Variants in HSD17B12 observed in about 807,000 individuals in gnomAD.
HSD17B12 encodes hydroxysteroid 17-beta dehydrogenase 12, also known as very-long-chain 3-oxoacyl-CoA reductase.
Under a neutral mutation model 39.3 loss-of-function variants are expected in HSD17B12, and 32 were observed. The ratio of observed to expected loss-of-function variants is 0.81; its 90% CI spans 0.61 to 1.09. HSD17B12 has a LOEUF of 1.09. HSD17B12 is among the 50% of genes least tolerant of loss of function. The pLI is 0.00. For missense variants in HSD17B12, 342 were observed against 382.9 expected (o/e 0.89, Z 0.89); for synonymous variants, 150 against 146.7 (o/e 1.02, Z -0.16).
chr11:43,667,324 G>C, the HSD17B12 span, among the ~76,000 whole-genome samples: 2 of 151,994 alleles, frequency 1.3e-5, no homozygotes, highest in Non-Finnish European at 2.9e-5. Context: ...GCTAATTTTT[G>C]TATTTTTAGT....
At chr11:43,642,900 T>A in the HSD17B12 span, among the ~76,000 whole-genome samples, 1 of 151,996 alleles carries the variant, frequency 6.6e-6, no homozygotes, top group African/African-American at 2.4e-5. Context: ...AAAAATGTAC[T>A]AATAAGCTAA....
chr11:43,565,052 A>C, the HSD17B12 span, among the ~76,000 whole-genome samples: 2 of 152,050 alleles, frequency 1.3e-5, no homozygotes, highest in African/African-American at 4.8e-5. Context: ...GGTGCCCACC[A>C]CCAAGCCTGG....
the HSD17B12 span, among the ~76,000 whole-genome samples, chr11:43,624,450 C>A: frequency 6.6e-6 from 1 of 151,858 alleles, no homozygotes; most frequent in Non-Finnish European, 1.5e-5. Context: ...AAAAGAGACT[C>A]ATTAAGCTAT....
At chr11:43,613,563 A>T in the HSD17B12 span, among the ~76,000 whole-genome samples, 1 of 152,084 alleles carries the variant, frequency 6.6e-6, no homozygotes, top group Non-Finnish European at 1.5e-5. Flanking sequence ...GAAAAGTGAT[A>T]ACTTTCTTAT....
the HSD17B12 span, among the ~76,000 whole-genome samples, chr11:43,580,983 A>T: frequency 6.6e-6 from 1 of 151,866 alleles, no homozygotes; most frequent in Non-Finnish European, 1.5e-5. Flanking sequence ...ACTCTGAGGG[A>T]TAAGAGGGGA....
chr11:43,807,288 A>T (rs1951028531), intron 4 of HSD17B12, among the ~76,000 whole-genome samples: 1 of 152,228 alleles, frequency 6.6e-6, no homozygotes, highest in South Asian at 2.1e-4. Context: ...GGTGTCACAG[A>T]TAGTATCCCT....
At chr11:43,637,217 CTTTTT>C in the HSD17B12 span, among the ~76,000 whole-genome samples, 3 of 109,474 alleles carry the variant, frequency 2.7e-5, no homozygotes, top group African/African-American at 9.6e-5. Context: ...GGTGTTTTTC[CTTTTT>C]TTTTTTTTTT....
At chr11:43,572,781 T>G in the HSD17B12 span, among the ~76,000 whole-genome samples, 1 of 152,206 alleles carries the variant, frequency 6.6e-6, no homozygotes, top group Non-Finnish European at 1.5e-5. Flanking sequence ...ACTATTGGTT[T>G]CTTCTCTCTC....
the HSD17B12 span, among the ~76,000 whole-genome samples, chr11:43,656,794 A>G: frequency 5.9e-5 from 9 of 152,072 alleles, no homozygotes; most frequent in Admixed American, 3.3e-4. Flanking sequence ...GTTCTTTTAC[A>G]TTTGCTGAGG....
intron 1 of HSD17B12, among the ~76,000 whole-genome samples, chr11:43,737,543 C>T (rs1309275421): frequency 6.6e-6 from 1 of 152,166 alleles, no homozygotes; most frequent in African/African-American, 2.4e-5. Context: ...TGTATGAAGA[C>T]ATAAGCCTTT....
At chr11:43,780,185 G>A (rs1172107239) in intron 3 of HSD17B12, among the ~76,000 whole-genome samples, 1 of 151,618 alleles carries the variant, frequency 6.6e-6, no homozygotes, top group Non-Finnish European at 1.5e-5. Flanking sequence ...TATTTTTTGA[G>A]ACAGAATTTC....
intron 1 of HSD17B12, among the ~76,000 whole-genome samples, chr11:43,726,059 A>G (rs1026687650): frequency 6.6e-6 from 1 of 152,238 alleles, no homozygotes; most frequent in Non-Finnish European, 1.5e-5. Context: ...AGTAATATGT[A>G]GTGCTTACAA....
chr11:43,778,235 A>G (rs1950729330), intron 3 of HSD17B12, among the ~76,000 whole-genome samples: 1 of 152,252 alleles, frequency 6.6e-6, no homozygotes, highest in South Asian at 2.1e-4. Flanking sequence ...GACAATCTAG[A>G]AGAAATGGAT....
At chr11:43,585,026 T>C in the HSD17B12 span, among the ~76,000 whole-genome samples, 2 of 152,200 alleles carry the variant, frequency 1.3e-5, no homozygotes, top group African/African-American at 4.8e-5. Flanking sequence ...CTCCACTTCC[T>C]GGACCATCTG....
chr11:43,686,212 A>G (rs888641613), intron 1 of HSD17B12, among the ~76,000 whole-genome samples: 12 of 152,220 alleles, frequency 7.9e-5, no homozygotes, highest in African/African-American at 2.9e-4. Flanking sequence ...TGGCGAGCCA[A>G]TGTTGATCGC....
chr11:43,787,376 C>T (rs915252377), intron 3 of HSD17B12, among the ~76,000 whole-genome samples: 2 of 152,114 alleles, frequency 1.3e-5, no homozygotes, highest in African/African-American at 4.8e-5. Context: ...CTGTGTTGAA[C>T]AGAAAGATTA....
intron 3 of HSD17B12, among the ~76,000 whole-genome samples, chr11:43,774,846 G>A (rs1355180144): frequency 6.6e-6 from 1 of 152,122 alleles, no homozygotes; most frequent in Non-Finnish European, 1.5e-5. Context: ...CTTCCCTTAA[G>A]TTTAGGTGGG....
At chr11:43,571,089 T>C in the HSD17B12 span, among the ~76,000 whole-genome samples, 1 of 152,188 alleles carries the variant, frequency 6.6e-6, no homozygotes, top group African/African-American at 2.4e-5. Context: ...CCAAGCTTAG[T>C]AGATCAGCAG....
At chr11:43,575,938 G>A in the HSD17B12 span, among the ~76,000 whole-genome samples, 1 of 152,194 alleles carries the variant, frequency 6.6e-6, no homozygotes, top group African/African-American at 2.4e-5. The surrounding 1 kb of genome is among the most constrained non-coding windows in gnomAD (Gnocchi z 4.1). Flanking sequence ...GCGTGGGTGG[G>A]AAACGTGGGA....
Sources: gnomAD v4.1 joint callset for allele counts (sites outside exome capture counted in the v4.1 genomes callset) on GRCh38, gnomAD v4.1.1 for gene constraint, Gnocchi (gnomAD v3.1) non-coding constraint, MANE v1.5 for transcripts, NCBI Gene and HGNC (gene_info 2026-07-23, HGNC 2026-07-21) for gene names.